Variants in BMP7 observed in about 807,000 individuals in gnomAD.
The protein encoded by BMP7 is bone morphogenetic protein 7, also known as osteogenic protein 1.
BMP7 carries 12 observed loss-of-function variants against 41.2 expected under a neutral mutation model. The ratio of observed to expected loss-of-function variants is 0.29; its 90% CI spans 0.19 to 0.47. BMP7 has a LOEUF of 0.47. Among genes scored for constraint, BMP7 ranks in the 20% least tolerant of loss-of-function variants. The probability of loss-of-function intolerance (pLI) is 0.99; values close to 1 mark genes in which losing one functional copy is unlikely to be tolerated. For synonymous variants in BMP7, 248 were observed against 250.0 expected, an observed-to-expected ratio of 0.99 and a Z score of 0.07; for missense variants, 467 against 606.0, an observed-to-expected ratio of 0.77 and a Z score of 2.41.
chr20:57,266,208 C>G lies in BMP7; in HGVS notation c.-86G>C. 2 of 1,329,836 alleles carry G rather than the reference C, an allele frequency of 1.5e-6. No homozygotes were observed. Among genetic ancestry groups the G allele is most frequent in the African/African-American group, 1.6e-5 (1 of 64,100 alleles). 82.4% of individuals were successfully genotyped at this position (1,329,836 alleles called of 1,614,324 possible). ...AGAGGGGGCAGGCGGCCGTCCGCGCCGCTCGGTCACTTGCTGCAGACGGGC... is the reference window on the plus strand; with the variant it reads ...AGAGGGGGCAGGCGGCCGTCCGCGCGGCTCGGTCACTTGCTGCAGACGGGC... On this transcript the variant is annotated 5_prime_UTR_variant, in exon 1 of 7. Transcript: ENST00000395863.
intron 1 of BMP7, among the ~76,000 whole-genome samples, chr20:57,237,999 G>C (rs529196907): frequency 6.6e-6 from 1 of 152,112 alleles, no homozygotes; most frequent in Non-Finnish European, 1.5e-5. Flanking sequence ...CCACTTTTAC[G>C]TGTACAGTTC....
intron 4 of BMP7, among the ~76,000 whole-genome samples, chr20:57,176,576 T>C (rs1271980946): frequency 2.0e-5 from 3 of 152,100 alleles, no homozygotes; most frequent in Non-Finnish European, 2.9e-5. Flanking sequence ...TGGGGACTGC[T>C]CTAGCTCTGG....
intron 3 of BMP7, among the ~76,000 whole-genome samples, chr20:57,192,546 G>A (rs1461337988): frequency 6.6e-6 from 1 of 151,570 alleles, no homozygotes; most frequent in African/African-American, 2.4e-5. Flanking sequence ...AAATGTCCCG[G>A]ACAAGTCACA....
chr20:57,203,651 T>C (rs1568713638), intron 2 of BMP7, among the ~76,000 whole-genome samples: 1 of 152,232 alleles, frequency 6.6e-6, no homozygotes, highest in Non-Finnish European at 1.5e-5. Context: ...AAGATCTTCA[T>C]AACATTTCTT....
In BMP7 at chr20:57,183,756, C is replaced by T. The variant is rs1229884556; in HGVS notation, c.924G>A (p.Lys308=). The part of the protein sequence containing the change: ...QRSQNRSKTP[K]NQEALRMANV... ...TGGCCATCCGCAGGGCTTCCTGGTTCTTGGGCGTCTTGGAGCGGTTCTGGC... is the reference window on the plus strand; with the variant it reads ...TGGCCATCCGCAGGGCTTCCTGGTTTTTGGGCGTCTTGGAGCGGTTCTGGC... Residue 308 remains lysine, a synonymous_variant, in exon 4 of 7, where the codon AAG becomes AAA. Transcript: ENST00000395863. 1 of 1,614,144 alleles carries T rather than the reference C, an allele frequency of 6.2e-7. No homozygotes were observed. Among genetic ancestry groups the T allele is most frequent in the Non-Finnish European group, 8.5e-7 (1 of 1,180,042 alleles).
intron 1 of BMP7, among the ~76,000 whole-genome samples, chr20:57,251,568 G>C (rs942665900): frequency 1.3e-5 from 2 of 152,222 alleles, no homozygotes; most frequent in African/African-American, 4.8e-5. Context: ...AGGAGCTCCA[G>C]TGAACATGGA....
intron 6 of BMP7, chr20:57,172,876 A>G (rs1191471743): frequency 1.7e-6 from 1 of 582,774 alleles, no homozygotes; most frequent in African/African-American, 1.9e-5. Flanking sequence ...TGGAAAATGA[A>G]GCAGGGCCCA....
At position 57,266,112 on chromosome 20, in the gene BMP7, C is replaced by A. The variant is rs2066177074; in HGVS notation, c.11G>T (p.Arg4Leu). The A allele has an allele frequency of 2.0e-6, 3 of 1,534,126 alleles. No individual in the cohort carries two copies. The highest frequency in any genetic ancestry group is 2.4e-5 in the South Asian group (2 of 83,808). Residue 4 changes from arginine (R) to leucine (L), a missense_variant, in exon 1 of 7, where the codon CGC becomes CTC. By Grantham distance (102) the Arg-to-Leu change is moderately radical. Transcript: ENST00000395863. ...GTGCGGCGCCGCAGCTCGCAGTGAG[C>A]GCACGTGCATCGCGCCGGCTCTACG... Reference protein sequence around the residue: MHVRSLRAAAPHSF... With the variant: MHVLSLRAAAPHSF...
At chr20:57,208,510 G>C (rs966808258) in intron 2 of BMP7, among the ~76,000 whole-genome samples, 1 of 152,154 alleles carries the variant, frequency 6.6e-6, no homozygotes, top group Non-Finnish European at 1.5e-5. Context: ...AAATGGGGCA[G>C]CCACTCTGGA....
chr20:57,193,394 G>A (rs1421137772), intron 3 of BMP7, among the ~76,000 whole-genome samples: 6 of 152,070 alleles, frequency 3.9e-5, no homozygotes, highest in African/African-American at 1.4e-4. Flanking sequence ...AACATCCTAC[G>A]ATGCATAGGA....
intron 2 of BMP7, among the ~76,000 whole-genome samples, chr20:57,221,072 G>A (rs962006850): frequency 2.6e-5 from 4 of 152,168 alleles, no homozygotes; most frequent in African/African-American, 9.6e-5. Flanking sequence ...CACCTACTAT[G>A]TGCCAGGCTC....
chr20:57,184,715 A>C (rs1221112948), intron 3 of BMP7, among the ~76,000 whole-genome samples: 1 of 152,166 alleles, frequency 6.6e-6, no homozygotes, highest in Non-Finnish European at 1.5e-5. Flanking sequence ...GATGAGCCTT[A>C]ATCCAGTGAC....
chr20:57,186,985 C>A (rs767722815), intron 3 of BMP7: 1 of 152,164 alleles, frequency 6.6e-6, no homozygotes. Flanking sequence ...GTGTTTCCCC[C>A]ACTAGAAGGC....
intron 2 of BMP7, 39 bp from the exon 3 acceptor site, chr20:57,202,662 C>T: frequency 6.3e-7 from 1 of 1,588,984 alleles, no homozygotes; most frequent in East Asian, 2.3e-5. Flanking sequence ...TCGCGTTAGC[C>T]AGGTCACAGC....
rs189238335 is a variant in BMP7 at position 57,218,048 on chromosome 20, T to C, written c.611+10181A>G. ...CAACAGACATCTGTATCCAGGGAGA[T>C]GGCAAGGCCAGGGCCGGCTTCATGG... On this transcript the variant is annotated intron_variant, in intron 2 of 6. Transcript: ENST00000395863. Among the ~76,000 whole-genome samples the C allele has an allele frequency of 2.7e-4, 41 of 152,310 alleles. No individual in the cohort carries two copies. The East Asian group carries it at 7.0e-3, about 26-fold the overall frequency.
chr20:57,188,439 G>A (rs1294912728), intron 3 of BMP7, among the ~76,000 whole-genome samples: 1 of 152,044 alleles, frequency 6.6e-6, no homozygotes, highest in Non-Finnish European at 1.5e-5. Context: ...GTTGCCTAGA[G>A]CTAGGGGTTG....
At chr20:57,178,998 C>T (rs1314799012) in intron 4 of BMP7, among the ~76,000 whole-genome samples, 1 of 152,214 alleles carries the variant, frequency 6.6e-6, no homozygotes, top group Non-Finnish European at 1.5e-5. Context: ...AAAGCCACGA[C>T]ATTTGGCATA....
At chr20:57,231,542 A>T (rs1229216462) in intron 1 of BMP7, among the ~76,000 whole-genome samples, 1 of 152,240 alleles carries the variant, frequency 6.6e-6, no homozygotes, top group Non-Finnish European at 1.5e-5. Context: ...GGGACAACTC[A>T]TGGCTTCTCG....
At chr20:57,175,162 C>G (rs1983895516) in intron 4 of BMP7, among the ~76,000 whole-genome samples, 155 bp from the exon 5 acceptor site, 1 of 152,246 alleles carries the variant, frequency 6.6e-6, no homozygotes, top group African/African-American at 2.4e-5. Flanking sequence ...GTTCGAGGGT[C>G]TAACTGCCTT....
Sources: gnomAD v4.1 joint callset for allele counts (sites outside exome capture counted in the v4.1 genomes callset) on GRCh38, gnomAD v4.1.1 for gene constraint, MANE v1.5 for transcripts, NCBI Gene and HGNC (gene_info 2026-07-23, HGNC 2026-07-21) for gene names.